The following MAPK10 variants were observed in gnomAD, a reference collection of about 807,000 sequenced individuals.
MAPK10 encodes JNK3 alpha protein kinase.
Under a neutral mutation model 59.3 loss-of-function variants are expected in MAPK10, and 25 were observed. The observed-to-expected ratio is 0.42, with a 90% CI of 0.31 to 0.59. The LOEUF (loss-of-function observed/expected upper bound fraction) is 0.59, where lower values mean the gene tolerates loss of function less well. MAPK10 is among the 20% of genes least tolerant of loss of function. The pLI is 0.15. For missense variants in MAPK10, 351 were observed against 568.9 expected, an observed-to-expected ratio of 0.62 and a Z score of 3.90; for synonymous variants, 190 against 200.5, an observed-to-expected ratio of 0.95 and a Z score of 0.44.
At chr4:86,382,027 T>C (rs1381597613) in intron 1 of MAPK10, among the ~76,000 whole-genome samples, 1 of 152,128 alleles carries the variant, frequency 6.6e-6, no homozygotes, top group African/African-American at 2.4e-5. Flanking sequence ...CAATAATTCC[T>C]TGTATTGGGA....
At chr4:86,098,246 A>G (rs1325280166) in intron 9 of MAPK10, among the ~76,000 whole-genome samples, 1 of 152,186 alleles carries the variant, frequency 6.6e-6, no homozygotes, top group Non-Finnish European at 1.5e-5. Flanking sequence ...GGGATCTGGT[A>G]GCCTTTGTTA....
rs371107982 is a variant in MAPK10 at position 86,418,286 on chromosome 4, G to A, written c.-122+34744C>T. On this transcript the variant is annotated intron_variant, in intron 1 of 13. Transcript: ENST00000361569. ...GGAGAGTTATTTCCTCTATGTGTGT[G>A]TTTGCTATTTCTAAATCACCATCAA... Among the ~76,000 whole-genome samples, 16 of 152,190 alleles carry A rather than the reference G, an allele frequency of 1.1e-4. No individual in the cohort carries two copies. In the East Asian group the frequency reaches 1.7e-3, roughly 17 times the overall value.
chr4:86,218,492 A>G (rs2088435037), intron 2 of MAPK10, among the ~76,000 whole-genome samples: 1 of 146,484 alleles, frequency 6.8e-6, no homozygotes, highest in Non-Finnish European at 1.5e-5. Flanking sequence ...AAAGTTCAAC[A>G]TTTTAAATTT....
intron 1 of MAPK10, among the ~76,000 whole-genome samples, chr4:86,368,385 T>A (rs1244327760): frequency 3.3e-5 from 5 of 152,210 alleles, no homozygotes; most frequent in African/African-American, 1.2e-4. Flanking sequence ...AATCCATGGT[T>A]TACATTAGGG....
At chr4:86,537,818 A>C (rs868314563) in intron 1 of MAPK10, among the ~76,000 whole-genome samples, 7 of 152,150 alleles carry the variant, frequency 4.6e-5, no homozygotes, top group African/African-American at 1.7e-4. Context: ...AATGGCCATT[A>C]TTAATTTTAA....
chr4:86,314,328 C>T (rs2009855), intron 2 of MAPK10, among the ~76,000 whole-genome samples: 95,046 of 152,008 alleles, frequency 0.63, 30,043 homozygotes, highest in South Asian at 0.74. Flanking sequence ...AATTCCCACA[C>T]GTTGTGGGAG....
rs1403363967 is a variant in MAPK10, at chr4:86,100,767, G to A, written c.730+285C>T. 17 of 254,072 alleles carry A rather than the reference G, an allele frequency of 6.7e-5. No individual in the cohort carries two copies. The South Asian group carries it at 7.7e-4, about 11-fold the overall frequency. 15.7% of individuals were successfully genotyped at this position (254,072 alleles called of 1,614,324 possible). ...GCAATTTTTCTCAATATCTAGGCAC[G>A]TGTGCTAATCAGCATCCGCTTGACT... is the stretch of plus-strand genomic sequence containing the variant. On this transcript the variant is annotated intron_variant, in intron 8 of 13. Coordinates refer to ENST00000641462, the MANE Select transcript of MAPK10 (RefSeq NM_138982.4).
At chr4:86,295,298 G>T (rs569553214) in intron 2 of MAPK10, among the ~76,000 whole-genome samples, 1 of 152,054 alleles carries the variant, frequency 6.6e-6, no homozygotes, top group East Asian at 1.9e-4. Context: ...CCTCCTCAGG[G>T]GTATACTCAA....
intron 9 of MAPK10, chr4:86,082,436 C>G (rs922525889): frequency 2.0e-5 from 3 of 152,112 alleles, no homozygotes; most frequent in African/African-American, 7.2e-5. Flanking sequence ...ATTATCCCAA[C>G]AGTTAAATGT....
chr4:86,505,170 T>C (rs552500965), intron 1 of MAPK10, among the ~76,000 whole-genome samples: 2 of 152,178 alleles, frequency 1.3e-5, no homozygotes, highest in African/African-American at 2.4e-5. Flanking sequence ...TATTCCTCTA[T>C]AGTGCTTCAG....
chr4:86,574,561 G>A (rs1761728803), intron 1 of MAPK10, among the ~76,000 whole-genome samples: 1 of 152,142 alleles, frequency 6.6e-6, no homozygotes, highest in Non-Finnish European at 1.5e-5. Context: ...ATCCTCTCCA[G>A]CACCTGTTGT....
intron 1 of MAPK10, among the ~76,000 whole-genome samples, chr4:86,462,141 G>A (rs1751803052): frequency 6.6e-6 from 1 of 152,202 alleles, no homozygotes; most frequent in Admixed American, 6.5e-5. Context: ...AAAGCTATGA[G>A]TCTTCTGCCT....
intron 1 of MAPK10, among the ~76,000 whole-genome samples, chr4:86,542,215 C>T (rs1031240656): frequency 3.9e-5 from 6 of 152,212 alleles, no homozygotes; most frequent in African/African-American, 7.2e-5. Flanking sequence ...CGTCATTGGC[C>T]TTTGTCTCTT....
chr4:86,139,945 C>CACATGAAAAAA, intron 4 of MAPK10, among the ~76,000 whole-genome samples: 1 of 147,332 alleles, frequency 6.8e-6, no homozygotes. Flanking sequence ...CTCATCATCA[C>CACATGAAAAAA]TGGCCATCAG....
At chr4:86,576,775 A>G (rs202057049) in intron 1 of MAPK10, among the ~76,000 whole-genome samples, 3 of 344 alleles carry the variant, frequency 8.7e-3, no homozygotes, top group African/African-American at 9.9e-3. Context: ...ACTCCGTCCC[A>G]AAAAAAAAAA....
intron 1 of MAPK10, among the ~76,000 whole-genome samples, chr4:86,405,000 T>C (rs6843457): frequency 0.2 from 30,259 of 152,186 alleles, 3,102 homozygotes; most frequent in South Asian, 0.28. Context: ...GAGATAATCC[T>C]ATTATCCCAG....
intron 1 of MAPK10, among the ~76,000 whole-genome samples, chr4:86,579,623 T>G (rs527726967): frequency 1.3e-4 from 20 of 152,124 alleles, no homozygotes; most frequent in African/African-American, 4.8e-4. Context: ...GGGATACAAT[T>G]TAATATAGCA....
intron 4 of MAPK10, among the ~76,000 whole-genome samples, chr4:86,122,145 A>G (rs1377021783): frequency 2.0e-5 from 3 of 152,134 alleles, no homozygotes; most frequent in African/African-American, 7.2e-5. Flanking sequence ...GAGCCAAGTG[A>G]GGACTGTAAG....
chr4:86,308,399 G>A (rs1228829716), intron 2 of MAPK10, among the ~76,000 whole-genome samples: 2 of 152,158 alleles, frequency 1.3e-5, no homozygotes, highest in African/African-American at 4.8e-5. Flanking sequence ...AGCTTAAAAT[G>A]AGTACAGTCT....
Sources: gnomAD v4.1 joint callset for allele counts (sites outside exome capture counted in the v4.1 genomes callset) on GRCh38, gnomAD v4.1.1 for gene constraint, MANE v1.5 for transcripts, NCBI Gene and HGNC (gene_info 2026-07-23, HGNC 2026-07-21) for gene names.